The following KCNQ3 variants were observed in gnomAD, a reference collection of about 807,000 sequenced individuals.
KCNQ3 encodes the protein potassium voltage-gated channel subfamily KQT member 3.
Under a neutral mutation model 92.5 loss-of-function variants are expected in KCNQ3, and 30 were observed. The ratio of observed to expected loss-of-function variants is 0.32; its 90% CI spans 0.24 to 0.44. The LOEUF (loss-of-function observed/expected upper bound fraction) is 0.44, where lower values mean the gene tolerates loss of function less well. Ranked by LOEUF, KCNQ3 falls within the 20% of genes least tolerant of loss-of-function variation. The pLI is 1.00. For missense variants in KCNQ3, 913 were observed against 1,140.3 expected, an observed-to-expected ratio of 0.80 and a Z score of 2.87; for synonymous variants, 450 against 468.8, an observed-to-expected ratio of 0.96 and a Z score of 0.52.
At chr8:132,134,125 C>A (rs1008438481) in intron 13 of KCNQ3, among the ~76,000 whole-genome samples, 165 bp downstream of exon 13, 1 of 152,166 alleles carries the variant, frequency 6.6e-6, no homozygotes, top group Non-Finnish European at 1.5e-5. Flanking sequence ...TGTACAGAAA[C>A]CTTTCAAATG....
chr8:132,302,961 C>G (rs916245442), intron 1 of KCNQ3, among the ~76,000 whole-genome samples: 1 of 152,096 alleles, frequency 6.6e-6, no homozygotes, highest in African/African-American at 2.4e-5. Context: ...GATCCACCAC[C>G]CTCCTGGGGA....
At chr8:132,296,768 T>A (rs1467425024) in intron 1 of KCNQ3, among the ~76,000 whole-genome samples, 2 of 152,170 alleles carry the variant, frequency 1.3e-5, no homozygotes, top group East Asian at 3.9e-4. Context: ...ATGTGCCACA[T>A]TTTCTTAATC....
chr8:132,189,691 T>C (rs1292741062), intron 1 of KCNQ3, among the ~76,000 whole-genome samples: 1 of 151,646 alleles, frequency 6.6e-6, no homozygotes, highest in Admixed American at 6.6e-5. Flanking sequence ...CCAGGCATGG[T>C]GGTGCATGCC....
intron 1 of KCNQ3, among the ~76,000 whole-genome samples, chr8:132,300,250 T>C (rs1817173435): frequency 6.6e-6 from 1 of 152,198 alleles, no homozygotes; most frequent in African/African-American, 2.4e-5. Context: ...TTTTTTGCAT[T>C]TTCCCTCCTG....
rs1407518943 is a variant in KCNQ3 at position 132,174,443 on chromosome 8, T to A, written c.934-94A>T. 3 of 944,826 alleles carry A rather than the reference T, an allele frequency of 3.2e-6. No homozygotes were observed. The African/African-American group carries it at 4.9e-5, about 15-fold the overall frequency. 58.5% of individuals were successfully genotyped at this position (944,826 alleles called of 1,614,324 possible). A position where few individuals can be genotyped will look rare whatever the true frequency, so the allele number is the denominator to read the frequency against. ...TCTACCTGTAAGCCTCTCCATCAGC[T>A]TGGGCAATGCTCCCATTCATAACAA... On this transcript the variant is annotated intron_variant, in intron 5 of 14. Transcript: ENST00000388996.
Position 132,129,122 on chromosome 8 carries a change from C to A in KCNQ3, c.*140G>T. ...GGGAGGAAGAGGCTGTGGGAAGCCC[C>A]TGCCTGGGTGGGGCCACCACGCACA... is the stretch of plus-strand genomic sequence containing the variant. On this transcript the variant is annotated 3_prime_UTR_variant, in exon 15 of 15. Coordinates refer to ENST00000388996, the MANE Select transcript of KCNQ3 (RefSeq NM_004519.4). The surrounding 1 kb of genome is among the most constrained non-coding windows in gnomAD (Gnocchi z 5.9). The A allele has an allele frequency of 1.0e-6, 1 of 976,948 alleles. No individual in the cohort carries two copies. The highest frequency in any genetic ancestry group is 2.4e-5 in the East Asian group (1 of 41,050). 60.5% of individuals were successfully genotyped at this position (976,948 alleles called of 1,614,324 possible). A position where few individuals can be genotyped will look rare whatever the true frequency, so the allele number is the denominator to read the frequency against.
intron 1 of KCNQ3, among the ~76,000 whole-genome samples, chr8:132,373,225 G>A (rs1324983736): frequency 6.4e-5 from 9 of 141,182 alleles, no homozygotes; most frequent in Admixed American, 6.3e-4. Context: ...CACACAGAGA[G>A]GGAGACCAGA....
chr8:132,184,155 G>GA, intron 3 of KCNQ3, 86 bp downstream of exon 3: 1 of 1,565,328 alleles, frequency 6.4e-7, no homozygotes, highest in Non-Finnish European at 8.8e-7. Context: ...TGATTTCCCA[G>GA]AATAGCTGCT....
chr8:132,368,035 G>T (rs1364311433), intron 1 of KCNQ3, among the ~76,000 whole-genome samples: 2 of 152,136 alleles, frequency 1.3e-5, no homozygotes, highest in African/African-American at 2.4e-5. Flanking sequence ...CTTCAAGGAG[G>T]TATCACAAGG....
At chr8:132,275,722 C>T (rs548927548) in intron 1 of KCNQ3, among the ~76,000 whole-genome samples, 14 of 152,120 alleles carry the variant, frequency 9.2e-5, no homozygotes, top group Admixed American at 2.0e-4. Flanking sequence ...GGACTACAGG[C>T]GCCTGCCACC....
Position 132,300,764 on chromosome 8 carries a change from G to A in KCNQ3, c.387-114583C>T, listed in dbSNP as rs1206691544. Among the ~76,000 whole-genome samples the A allele has an allele frequency of 3.3e-5, 5 of 152,156 alleles. No individual in the cohort carries two copies. In the East Asian group the frequency reaches 9.6e-4, roughly 29 times the overall value. ...GTATCTCAGGTCCTGGCCATATAAA[G>A]GGACTCCACCTGCCCAACTCTGGCA... On this transcript the variant is annotated intron_variant, in intron 1 of 14. Transcript: ENST00000388996.
chr8:132,289,180 G>T (rs549237774), intron 1 of KCNQ3, among the ~76,000 whole-genome samples: 1 of 152,258 alleles, frequency 6.6e-6, no homozygotes, highest in East Asian at 1.9e-4. Context: ...CATTCAACAA[G>T]AATACCCCTC....
intron 1 of KCNQ3, among the ~76,000 whole-genome samples, chr8:132,246,520 G>A (rs1408787765): frequency 6.6e-6 from 1 of 152,178 alleles, no homozygotes; most frequent in East Asian, 1.9e-4. Context: ...AGCAAGAGAG[G>A]AGCAATTTAT....
intron 1 of KCNQ3, among the ~76,000 whole-genome samples, chr8:132,401,718 G>C (rs957465203): frequency 6.6e-6 from 1 of 152,182 alleles, no homozygotes; most frequent in African/African-American, 2.4e-5. Flanking sequence ...CAACTGAAAA[G>C]CTATGAAAGA....
intron 1 of KCNQ3, among the ~76,000 whole-genome samples, chr8:132,202,229 A>G (rs903670523): frequency 6.6e-6 from 1 of 152,076 alleles, no homozygotes; most frequent in Non-Finnish European, 1.5e-5. Context: ...ACCTCTCTGG[A>G]AATCTTGCTC....
At chr8:132,257,192 AT>A (rs1293025199) in intron 1 of KCNQ3, among the ~76,000 whole-genome samples, 11 of 152,140 alleles carry the variant, frequency 7.2e-5, no homozygotes, top group Admixed American at 5.9e-4. Context: ...CTAGACTATG[AT>A]AAATTAAAAG....
chr8:132,234,249 C>T (rs1814733505), intron 1 of KCNQ3, among the ~76,000 whole-genome samples: 1 of 150,922 alleles, frequency 6.6e-6, no homozygotes. Context: ...CATATCAGGT[C>T]TCACTTAGTC....
chr8:132,454,456 C>A (rs1821894087), intron 1 of KCNQ3, among the ~76,000 whole-genome samples: 1 of 152,184 alleles, frequency 6.6e-6, no homozygotes, highest in South Asian at 2.1e-4. Context: ...TAAATAAACT[C>A]ATTTTATTCT....
chr8:132,127,392 A>G lies in KCNQ3; in HGVS notation c.*1870T>C, dbSNP rs1824706948. The stretch of plus-strand genomic sequence containing the variant: ...TTCTAAGTTCCTAAAGTCAGGGGTC[A>G]AGCTCTAATCATTACTGTATTCTGA... On this transcript the variant is annotated 3_prime_UTR_variant, in exon 15 of 15. Transcript: ENST00000388996. The G allele has an allele frequency of 6.6e-6, 1 of 152,218 alleles. No homozygotes were observed. The highest frequency in any genetic ancestry group is 1.5e-5 in the Non-Finnish European group (1 of 68,046). The allele number at this position is 152,218 out of a possible 1,614,324, so 9.4% of individuals were successfully genotyped here.
Sources: gnomAD v4.1 joint callset for allele counts (sites outside exome capture counted in the v4.1 genomes callset) on GRCh38, gnomAD v4.1.1 for gene constraint, Gnocchi (gnomAD v3.1) non-coding constraint, MANE v1.5 for transcripts, NCBI Gene and HGNC (gene_info 2026-07-23, HGNC 2026-07-21) for gene names.